Variants in MTA3 observed in about 807,000 individuals in gnomAD.
The protein encoded by MTA3 is metastasis-associated protein MTA3.
MTA3 carries 34 observed loss-of-function variants against 83.5 expected under a neutral mutation model. That is an observed-to-expected ratio of 0.41 (90% CI 0.31 to 0.54). The LOEUF (loss-of-function observed/expected upper bound fraction) is 0.54. Ranked by LOEUF, MTA3 falls within the 20% of genes least tolerant of loss-of-function variation. MTA3 has a pLI of 0.33. For synonymous variants in MTA3, 303 were observed against 252.7 expected, an observed-to-expected ratio of 1.20 and a Z score of -1.89; for missense variants, 761 against 726.4, an observed-to-expected ratio of 1.05 and a Z score of -0.55.
chr2:42,564,081 A>T (rs1045084760), upstream of MTA3, among the ~76,000 whole-genome samples: 1 of 152,116 alleles, frequency 6.6e-6, no homozygotes, highest in Non-Finnish European at 1.5e-5. Context: ...TTTGCCTCCC[A>T]AAGTGCTGGG....
At chr2:42,742,072 T>C (rs1034605718) in intron 16 of MTA3, among the ~76,000 whole-genome samples, 1 of 152,174 alleles carries the variant, frequency 6.6e-6, no homozygotes. Flanking sequence ...TGTTTGCGAA[T>C]GCATAGAGCA....
chr2:42,678,398 C>T (rs754245264), intron 8 of MTA3, among the ~76,000 whole-genome samples: 7 of 152,020 alleles, frequency 4.6e-5, no homozygotes, highest in Non-Finnish European at 2.9e-5. Context: ...AGTGCAGTGG[C>T]GTGATCTCGG....
chr2:42,616,631 T>G (rs1270219054), intron 4 of MTA3, among the ~76,000 whole-genome samples: 3 of 125,856 alleles, frequency 2.4e-5, no homozygotes, highest in Non-Finnish European at 3.2e-5. Flanking sequence ...CAGGCTGGAA[T>G]GTAGTGGCAC....
rs70963347 is a variant in MTA3, at chr2:42,695,634, C to CAAAAAA, written c.892-109_892-104dup. On this transcript the variant is annotated intron_variant, in intron 9 of 16. Coordinates refer to ENST00000405094, the MANE Select transcript of MTA3 (RefSeq NM_001330442.2). ...TGGGCAACAAAGTGACAGTCTATCT[C>CAAAAAA]AAAAAAAAAAAAAAAAAAAAAAAAA... 4.5e-3 allele frequency: 588 copies of CAAAAAA among 130,766 alleles called. 27 individuals carry two copies. The highest frequency in any genetic ancestry group is 7.7e-3 in the South Asian group (105 of 13,566). 8.1% of individuals were successfully genotyped at this position (130,766 alleles called of 1,614,324 possible).
chr2:42,728,461 A>C (rs1667977550), intron 16 of MTA3, among the ~76,000 whole-genome samples: 1 of 152,190 alleles, frequency 6.6e-6, no homozygotes, highest in East Asian at 1.9e-4. Context: ...TAACAGCAGG[A>C]TTGCTGGATC....
At chr2:42,731,866 A>G (rs1234218842) in intron 16 of MTA3, among the ~76,000 whole-genome samples, 1 of 152,206 alleles carries the variant, frequency 6.6e-6, no homozygotes, top group Non-Finnish European at 1.5e-5. Flanking sequence ...TACTTCCTAG[A>G]TACAGTGGGG....
chr2:42,607,949 TA>T (rs917907790), intron 3 of MTA3, among the ~76,000 whole-genome samples: 12 of 152,072 alleles, frequency 7.9e-5, no homozygotes, highest in African/African-American at 2.9e-4. Context: ...AGACTCCGTC[TA>T]AAAAAAAGTT....
upstream of MTA3, chr2:42,568,135 C>T (rs1406840547): frequency 6.6e-6 from 1 of 152,322 alleles, no homozygotes; most frequent in Non-Finnish European, 1.5e-5. Context: ...GGAAGGCACC[C>T]TGCTGCCTGC....
intron 13 of MTA3, 149 bp from the exon 14 acceptor site, chr2:42,708,725 T>A: frequency 1.2e-6 from 1 of 807,604 alleles, no homozygotes; most frequent in South Asian, 1.7e-5. Context: ...ACACTTTAAT[T>A]CTCTCTTTTA....
At position 42,587,627 on chromosome 2, in the gene MTA3, A is replaced by G. The variant is rs1222367671; in HGVS notation, c.190+8427A>G. ...TTGTTTGTTTTTTTGAGACAGTCTG[A>G]CTCTTGTCACCCAGGCTGGAGTGTA... On this transcript the variant is annotated intron_variant, in intron 3 of 16. Coordinates refer to ENST00000405094, the MANE Select transcript of MTA3 (RefSeq NM_001330442.2). Among the ~76,000 whole-genome samples, 7 of 150,864 alleles carry G rather than the reference A, an allele frequency of 4.6e-5. No homozygotes were observed. The East Asian group carries it at 1.4e-3, about 29-fold the overall frequency.
At chr2:42,597,800 C>T (rs1365341581) in intron 3 of MTA3, among the ~76,000 whole-genome samples, 1 of 151,344 alleles carries the variant, frequency 6.6e-6, no homozygotes, top group Non-Finnish European at 1.5e-5. Context: ...CCTGCTTCAG[C>T]CTCCTGAGTA....
At chr2:42,752,741 A>G (rs1367355572) in intron 16 of MTA3, among the ~76,000 whole-genome samples, 1 of 152,104 alleles carries the variant, frequency 6.6e-6, no homozygotes, top group Non-Finnish European at 1.5e-5. Flanking sequence ...ATTCCTTAGT[A>G]TCCGTCAGAA....
intron 2 of MTA3, among the ~76,000 whole-genome samples, chr2:42,497,623 C>T (rs1398153354): frequency 6.6e-6 from 1 of 151,894 alleles, no homozygotes; most frequent in Non-Finnish European, 1.5e-5. Context: ...ATAGGGCTCT[C>T]TCTAGGCTCA....
intron 14 of MTA3, among the ~76,000 whole-genome samples, chr2:42,712,353 A>G (rs1249168314): frequency 6.6e-6 from 1 of 151,766 alleles, no homozygotes; most frequent in Non-Finnish European, 1.5e-5. Context: ...TCTGGAGTGC[A>G]GTGGTACCAT....
At chr2:42,666,905 G>A (rs1289251041) in intron 8 of MTA3, among the ~76,000 whole-genome samples, 3 of 152,092 alleles carry the variant, frequency 2.0e-5, no homozygotes, top group African/African-American at 7.2e-5. Flanking sequence ...ATTGTTTTCT[G>A]TTCCTTTGTT....
chr2:42,547,555 T>C (rs915697819), intron 2 of MTA3, among the ~76,000 whole-genome samples: 2 of 152,242 alleles, frequency 1.3e-5, no homozygotes, highest in Non-Finnish European at 2.9e-5. Context: ...AGTCTTGAAC[T>C]CCTGACCTCA....
chr2:42,708,275 TGTGGGAGATGTTAGCATAA>T (rs1666282027), intron 13 of MTA3, among the ~76,000 whole-genome samples: 1 of 152,160 alleles, frequency 6.6e-6, no homozygotes, highest in Non-Finnish European at 1.5e-5. Context: ...AAACAATGAG[TGTGGGAGATGTTAGCATAA>T]GTAGAGAGCT....
At chr2:42,647,760 T>C (rs773870472) in intron 6 of MTA3, among the ~76,000 whole-genome samples, 3 of 152,218 alleles carry the variant, frequency 2.0e-5, no homozygotes, top group Non-Finnish European at 4.4e-5. Context: ...AACTCTTATT[T>C]CAGCCTGAAG....
chr2:42,625,827 ACAGTT>A (rs1002491636), intron 4 of MTA3, among the ~76,000 whole-genome samples: 1 of 150,834 alleles, frequency 6.6e-6, no homozygotes, highest in Non-Finnish European at 1.5e-5. Context: ...ATCTGCATGC[ACAGTT>A]CTGTGTTGTT....
Sources: allele counts gnomAD v4.1 joint callset (sites outside exome capture counted in the v4.1 genomes callset), GRCh38; gene constraint gnomAD v4.1.1; transcripts MANE v1.5; gene names NCBI Gene and HGNC (gene_info 2026-07-23, HGNC 2026-07-21).